Variants in OR6B3 observed in about 807,000 individuals in gnomAD.
The protein encoded by OR6B3 is olfactory receptor family 6 subfamily B member 3.
For synonymous variants in OR6B3, 148 were observed against 187.8 expected (o/e 0.79, Z 1.73); for missense variants, 315 against 427.4 (o/e 0.74, Z 2.32).
At chr2:240,050,550 C>A (rs1285937535), upstream of OR6B3, among the ~76,000 whole-genome samples, 2 of 152,004 alleles carry the variant, frequency 1.3e-5, no homozygotes, top group South Asian at 4.1e-4. Context: ...CCTGTCTCTA[C>A]TAAAAATACA....
chr2:240,053,094 C>T, the OR6B3 span, among the ~76,000 whole-genome samples: 7 of 152,312 alleles, frequency 4.6e-5, no homozygotes, highest in Non-Finnish European at 5.9e-5. This position sits in a 1 kb window ranked among gnomAD's most constrained non-coding sequence, Gnocchi z 4.1. Context: ...TGAGCCACCG[C>T]TTCTTAAACA....
exon 2 of OR6B3, chr2:240,045,245 A>C: frequency 1.2e-6 from 2 of 1,614,234 alleles, no homozygotes; most frequent in Non-Finnish European, 8.5e-7. Context: ...CTGTGTACAA[A>C]ACAGAGATGA....
At chr2:240,051,806 T>C (rs796788561), upstream of OR6B3, among the ~76,000 whole-genome samples, 49 of 152,228 alleles carry the variant, frequency 3.2e-4, no homozygotes, top group African/African-American at 1.0e-3. Context: ...GATTAAAAAC[T>C]CTCCCAAAAC....
upstream of OR6B3, among the ~76,000 whole-genome samples, chr2:240,050,747 A>AC (rs1258958962): frequency 6.6e-6 from 1 of 151,860 alleles, no homozygotes; most frequent in Non-Finnish European, 1.5e-5. Flanking sequence ...AGGAAAAAAA[A>AC]AAAAGAGACA....
At chr2:240,045,025 A>T, downstream of OR6B3, 1 of 1,489,412 alleles carries the variant, frequency 6.7e-7, no homozygotes, top group Non-Finnish European at 9.0e-7. Context: ...ATTTGGAAGT[A>T]ATTTTTAAAT....
chr2:240,052,917 T>C, the OR6B3 span, among the ~76,000 whole-genome samples: 3 of 152,194 alleles, frequency 2.0e-5, no homozygotes, highest in African/African-American at 7.2e-5. The surrounding 1 kb of genome is among the most constrained non-coding windows in gnomAD (Gnocchi z 4.5). Flanking sequence ...GTTCAAGCGA[T>C]TCTCCCACCT....
chr2:240,052,972 G>A, the OR6B3 span, among the ~76,000 whole-genome samples: 1 of 152,004 alleles, frequency 6.6e-6, no homozygotes, highest in Non-Finnish European at 1.5e-5. This position sits in a 1 kb window ranked among gnomAD's most constrained non-coding sequence, Gnocchi z 4.5. Flanking sequence ...GCTCATTTTT[G>A]TGTCTGTTTT....
At chr2:240,051,300 G>A (rs528278966), upstream of OR6B3, among the ~76,000 whole-genome samples, 5 of 152,180 alleles carry the variant, frequency 3.3e-5, no homozygotes, top group African/African-American at 4.8e-5. Flanking sequence ...AAGGAAGACT[G>A]GGGGCTTAGA....
chr2:240,044,723 A>C (rs899515980), downstream of OR6B3, among the ~76,000 whole-genome samples: 7 of 152,260 alleles, frequency 4.6e-5, no homozygotes, highest in Admixed American at 4.6e-4. Flanking sequence ...TACTTTTCCC[A>C]GACACATTTT....
chr2:240,045,010 A>G, downstream of OR6B3: 2 of 1,458,910 alleles, frequency 1.4e-6, no homozygotes, highest in Non-Finnish European at 1.8e-6. Context: ...GAAGGAGAAA[A>G]ATAGATTTGG....
At chr2:240,049,046 A>G (rs1698226606), upstream of OR6B3, among the ~76,000 whole-genome samples, 1 of 152,068 alleles carries the variant, frequency 6.6e-6, no homozygotes, top group Non-Finnish European at 1.5e-5. Context: ...AGCAGGGAGG[A>G]GGGCTGAGGG....
chr2:240,052,793 T>A, the OR6B3 span, among the ~76,000 whole-genome samples: 2 of 152,302 alleles, frequency 1.3e-5, no homozygotes, highest in South Asian at 2.1e-4. This position sits in a 1 kb window ranked among gnomAD's most constrained non-coding sequence, Gnocchi z 4.5. Flanking sequence ...TAAAGAATAA[T>A]CCAATTAAAG....
upstream of OR6B3, among the ~76,000 whole-genome samples, chr2:240,049,763 G>A (rs1698232879): frequency 6.6e-6 from 1 of 151,988 alleles, no homozygotes; most frequent in Admixed American, 6.6e-5. Context: ...CCAGTAACTA[G>A]ATTTAAACCA....
upstream of OR6B3, among the ~76,000 whole-genome samples, chr2:240,050,826 A>C (rs1179203670): frequency 6.6e-6 from 1 of 152,072 alleles, no homozygotes; most frequent in East Asian, 1.9e-4. Flanking sequence ...GGTAAAAACA[A>C]ATTAGAATGC....
upstream of OR6B3, among the ~76,000 whole-genome samples, chr2:240,050,530 C>T (rs985941434): frequency 4.6e-5 from 7 of 152,018 alleles, no homozygotes; most frequent in South Asian, 2.1e-4. Context: ...GCCTGGCCAA[C>T]GTGGCGAAAC....
chr2:240,050,751 A>C (rs1018786633), upstream of OR6B3, among the ~76,000 whole-genome samples: 1 of 140,486 alleles, frequency 7.1e-6, no homozygotes, highest in Admixed American at 7.1e-5. Context: ...AAAAAAAAAA[A>C]GAGACAAATA....
chr2:240,048,661 A>C (rs1698222210), upstream of OR6B3, among the ~76,000 whole-genome samples: 1 of 152,116 alleles, frequency 6.6e-6, no homozygotes, highest in African/African-American at 2.4e-5. Context: ...TGTCGATGGG[A>C]AAGGTAAAGG....
the OR6B3 span, among the ~76,000 whole-genome samples, chr2:240,053,004 T>C: frequency 6.6e-6 from 1 of 152,148 alleles, no homozygotes; most frequent in Non-Finnish European, 1.5e-5. This position sits in a 1 kb window ranked among gnomAD's most constrained non-coding sequence, Gnocchi z 4.1. Flanking sequence ...GATTTCGCCA[T>C]GTTGGCCAGG....
At chr2:240,046,162 C>T (rs1698185964) in intron 1 of OR6B3, 65 bp from the exon 3 acceptor site, 1 of 1,163,034 alleles carries the variant, frequency 8.6e-7, no homozygotes, top group Middle Eastern at 3.0e-4. Context: ...GAGAGTGGAG[C>T]TGGACCTGGA....
Sources: allele counts gnomAD v4.1 joint callset (sites outside exome capture counted in the v4.1 genomes callset), GRCh38; gene constraint gnomAD v4.1.1; non-coding constraint Gnocchi (gnomAD v3.1); transcripts MANE v1.5; gene names NCBI Gene and HGNC (gene_info 2026-07-23, HGNC 2026-07-21).